GNAI1: variants seen among roughly 807,000 people sequenced by gnomAD.
GNAI1 encodes G protein subunit alpha i1.
Under a neutral mutation model 38.9 loss-of-function variants are expected in GNAI1, and 11 were observed. The observed-to-expected ratio is 0.28, with a 90% CI of 0.18 to 0.47. The LOEUF (loss-of-function observed/expected upper bound fraction) is 0.47. Ranked by LOEUF, GNAI1 falls within the 20% of genes least tolerant of loss-of-function variation. The probability of loss-of-function intolerance (pLI) is 0.99; values close to 1 mark genes in which losing one functional copy is unlikely to be tolerated. For missense variants in GNAI1, 317 were observed against 436.9 expected (o/e 0.73, Z 2.45); for synonymous variants, 166 against 145.1 (o/e 1.14, Z -1.04).
intron 3 of GNAI1, among the ~76,000 whole-genome samples, chr7:80,197,062 A>G (rs757061825): frequency 1.3e-5 from 2 of 151,540 alleles, no homozygotes; most frequent in East Asian, 1.9e-4. Context: ...TATTCTTTCA[A>G]TATGTCTCTC....
intron 3 of GNAI1, among the ~76,000 whole-genome samples, chr7:80,197,491 C>A (rs1243558782): frequency 2.0e-5 from 3 of 151,826 alleles, no homozygotes; most frequent in Non-Finnish European, 4.4e-5. Context: ...CATTTGAAAA[C>A]CTACTTAAGC....
chr7:80,181,198 C>T (rs953612880), intron 1 of GNAI1, among the ~76,000 whole-genome samples: 2 of 152,058 alleles, frequency 1.3e-5, no homozygotes, highest in African/African-American at 4.8e-5. Flanking sequence ...CCCAATGACA[C>T]CACTCTCATG....
chr7:80,145,739 C>G (rs751121247), intron 1 of GNAI1, among the ~76,000 whole-genome samples: 38 of 152,134 alleles, frequency 2.5e-4, no homozygotes, highest in Non-Finnish European at 5.1e-4. Context: ...TGTCTTGACT[C>G]TGTCTCGAGG....
intron 1 of GNAI1, among the ~76,000 whole-genome samples, chr7:80,188,429 T>C (rs1788424832): frequency 6.6e-6 from 1 of 152,190 alleles, no homozygotes; most frequent in Non-Finnish European, 1.5e-5. Flanking sequence ...AGAAGCATGT[T>C]TTTTTATTTG....
intron 3 of GNAI1, among the ~76,000 whole-genome samples, chr7:80,193,571 G>A (rs1308127136): frequency 1.3e-5 from 2 of 152,224 alleles, no homozygotes; most frequent in African/African-American, 4.8e-5. Flanking sequence ...TAAAATTTTA[G>A]AAGCTTTACA....
At chr7:80,207,914 C>CT (rs888599962) in intron 5 of GNAI1, among the ~76,000 whole-genome samples, 9 of 151,752 alleles carry the variant, frequency 5.9e-5, no homozygotes, top group Non-Finnish European at 1.2e-4. Context: ...CTGTGTTTTA[C>CT]TTTTTTTTGT....
chr7:80,171,592 A>G lies in GNAI1; in HGVS notation c.119-17359A>G, dbSNP rs186458942. ...CATCTAGCGAAACTGTATGCTTCCC[A>G]TAGTATTATAGAAAACTAGGGTGCA... On this transcript the variant is annotated intron_variant, in intron 1 of 7. Transcript: ENST00000649796. Among the ~76,000 whole-genome samples, 82 of 152,344 alleles carry G rather than the reference A, an allele frequency of 5.4e-4. 2 individuals are homozygous for G. The East Asian group carries it at 0.014, about 27-fold the overall frequency.
chr7:80,155,289 A>G (rs1055444248), intron 1 of GNAI1, among the ~76,000 whole-genome samples: 7 of 152,230 alleles, frequency 4.6e-5, no homozygotes, highest in Non-Finnish European at 8.8e-5. Context: ...TATTTTAATC[A>G]ACATTGAATT....
rs1788436294 is a variant in GNAI1, at chr7:80,189,098, A to G, written c.170A>G (p.His57Arg). 6.2e-7 allele frequency: 1 copy of G among 1,605,396 alleles called. No homozygotes were observed. The highest frequency in any genetic ancestry group is 8.5e-7 in the Non-Finnish European group (1 of 1,175,608). The change falls in exon 3 of 8, where the codon CAT becomes CGT. Residue 57 changes from histidine (H) to arginine (R), a missense_variant. Coordinates refer to ENST00000649796, the MANE Select transcript of GNAI1 (RefSeq NM_002069.6). ...CCCTTTTGTCTCATTAGAATTATCC[A>G]TGAAGCTGGTTATTCAGAAGAGGAG... Reference protein sequence around the residue: ...STIVKQMKIIHEAGYSEEECK... With the variant: ...STIVKQMKIIREAGYSEEECK...
intron 1 of GNAI1, among the ~76,000 whole-genome samples, chr7:80,153,762 T>C (rs2116107931): frequency 6.6e-6 from 1 of 152,298 alleles, no homozygotes; most frequent in East Asian, 1.9e-4. Context: ...TTATTTTTCT[T>C]GCACTTTGGT....
intron 1 of GNAI1, among the ~76,000 whole-genome samples, chr7:80,163,966 C>CTT (rs1313381597): frequency 0.015 from 1,115 of 75,006 alleles, 22 homozygotes; most frequent in Non-Finnish European, 0.021. Flanking sequence ...CTGGTGCTTT[C>CTT]TTTTTTTTTT....
At chr7:80,183,987 G>T (rs571045885) in intron 1 of GNAI1, among the ~76,000 whole-genome samples, 1 of 152,146 alleles carries the variant, frequency 6.6e-6, no homozygotes, top group East Asian at 1.9e-4. Flanking sequence ...GTGCTCCTTT[G>T]TCCTCAGCAC....
chr7:80,157,068 C>G (rs532669850), intron 1 of GNAI1, among the ~76,000 whole-genome samples: 41 of 152,196 alleles, frequency 2.7e-4, no homozygotes, highest in Non-Finnish European at 4.9e-4. Flanking sequence ...TAGAATCACA[C>G]GGAGTAGTTT....
intron 1 of GNAI1, among the ~76,000 whole-genome samples, chr7:80,164,980 A>G (rs1435007176): frequency 6.6e-6 from 1 of 152,212 alleles, no homozygotes; most frequent in African/African-American, 2.4e-5. Context: ...TAAAGATGAC[A>G]TTATTTGTCT....
At chr7:80,167,371 A>G (rs1788029147) in intron 1 of GNAI1, among the ~76,000 whole-genome samples, 1 of 152,222 alleles carries the variant, frequency 6.6e-6, no homozygotes. Flanking sequence ...GGTCAGTGTC[A>G]CAAAAGTGAA....
intron 1 of GNAI1, among the ~76,000 whole-genome samples, chr7:80,146,049 C>G (rs564059747): frequency 2.0e-5 from 3 of 152,254 alleles, no homozygotes; most frequent in Admixed American, 2.0e-4. Context: ...CTCAGGCATT[C>G]CCTCTGCTTA....
At chr7:80,156,033 A>G (rs1022521741) in intron 1 of GNAI1, among the ~76,000 whole-genome samples, 3 of 134,402 alleles carry the variant, frequency 2.2e-5, no homozygotes, top group African/African-American at 8.9e-5. Context: ...ACAGAGCAAG[A>G]CTCTGTCTCA....
chr7:80,158,573 C>T (rs1175280584), intron 1 of GNAI1, among the ~76,000 whole-genome samples: 2 of 152,110 alleles, frequency 1.3e-5, no homozygotes, highest in African/African-American at 4.8e-5. Flanking sequence ...ACTTCTCTTC[C>T]TGCTGCTATG....
rs1789027947 is a variant in GNAI1 at position 80,219,091 on chromosome 7, T to C, written c.*1598T>C. The C allele has an allele frequency of 6.6e-6, 1 of 152,288 alleles. No homozygotes were observed. Among genetic ancestry groups the C allele is most frequent in the Admixed American group, 6.6e-5 (1 of 15,230 alleles). The allele number at this position is 152,288 out of a possible 1,614,324, so 9.4% of individuals were successfully genotyped here. A position where few individuals can be genotyped will look rare whatever the true frequency, so the allele number is the denominator to read the frequency against. ...TAAACTATATTCATATCTGTTTCAT[T>C]TGGAGGATTTTCTTCTTTGTAATGT... is the stretch of plus-strand genomic sequence containing the variant. On this transcript the variant is annotated 3_prime_UTR_variant, in exon 8 of 8. Coordinates refer to ENST00000649796, the MANE Select transcript of GNAI1 (RefSeq NM_002069.6).
Sources: gnomAD v4.1 joint callset for allele counts (sites outside exome capture counted in the v4.1 genomes callset) on GRCh38, gnomAD v4.1.1 for gene constraint, MANE v1.5 for transcripts, NCBI Gene and HGNC (gene_info 2026-07-23, HGNC 2026-07-21) for gene names.